Variants in ABCA6 observed in about 807,000 individuals in gnomAD.
ABCA6 encodes ATP binding cassette subfamily A member 6, also known as ATP-binding cassette sub-family A member 6.
In ABCA6, 164 loss-of-function variants were observed where a neutral mutation model predicts 191.2. The ratio of observed to expected loss-of-function variants is 0.86; its 90% CI spans 0.76 to 0.98. The LOEUF is 0.98. Ranked by LOEUF, ABCA6 falls within the 50% of genes least tolerant of loss-of-function variation. ABCA6 has a pLI of 0.00. For missense variants in ABCA6, 1,958 were observed against 1,894.1 expected, an observed-to-expected ratio of 1.03 and a Z score of -0.63; for synonymous variants, 636 against 647.7, an observed-to-expected ratio of 0.98 and a Z score of 0.27.
intron 2 of ABCA6, among the ~76,000 whole-genome samples, chr17:69,140,125 A>G (rs2074006467): frequency 6.6e-6 from 1 of 152,074 alleles, no homozygotes; most frequent in Admixed American, 6.6e-5. Context: ...AAATAAAAAA[A>G]TAAACATTTG....
Position 69,129,714 on chromosome 17 carries a change from T to C in ABCA6, c.829A>G (p.Ile277Val), listed in dbSNP as rs771585701. Residue 277 changes from isoleucine to valine, a missense_variant, in exon 7 of 39, where the codon ATT (isoleucine) becomes GTT (valine). Physicochemically the swap from Ile to Val is conservative, Grantham distance 29. Transcript: ENST00000284425. ...WGLIYAGFIF[I>V]ISIFVTIIIT... ...ATAATTGTAACGAATATGGAAATAA[T>C]AAAGATGAAGCCAGCATAGATTAGA... 6.2e-7 allele frequency: 1 copy of C among 1,605,178 alleles called. No individual in the cohort carries two copies. The highest frequency in any genetic ancestry group is 8.5e-7 in the Non-Finnish European group (1 of 1,173,230).
rs2144601886 is a variant in ABCA6 at position 69,081,059 on chromosome 17, C to T, written c.4696+7G>A. On this transcript the variant is annotated splice_region_variant and intron_variant, in intron 37 of 38. Coordinates refer to ENST00000284425, the MANE Select transcript of ABCA6 (RefSeq NM_080284.3). ...CAAAAGATTTATTTGAATGTGGTCA[C>T]TCTTACCTGCTTCTAATTTGTGAAA... The T allele has an allele frequency of 1.3e-6, 2 of 1,567,310 alleles. No homozygotes were observed. Among genetic ancestry groups the T allele is most frequent in the African/African-American group, 1.4e-5 (1 of 73,878 alleles).
At chr17:69,101,648 T>G (rs2073184444) in intron 21 of ABCA6, among the ~76,000 whole-genome samples, 1 of 150,990 alleles carries the variant, frequency 6.6e-6, no homozygotes, top group South Asian at 2.1e-4. Flanking sequence ...GCCTTCTGGA[T>G]AGGAGATAAG....
chr17:69,086,297 C>T (rs543462300), intron 30 of ABCA6, among the ~76,000 whole-genome samples: 9 of 152,228 alleles, frequency 5.9e-5, no homozygotes, highest in Admixed American at 2.0e-4. Flanking sequence ...TGTACCTAAT[C>T]TGGCGCTGCT....
chr17:69,111,921 C>A, intron 16 of ABCA6: 1 of 342,830 alleles, frequency 2.9e-6, no homozygotes, highest in East Asian at 5.3e-5. Context: ...TTAGGCTGCA[C>A]AGAACAGCTA....
intron 36 of ABCA6, among the ~76,000 whole-genome samples, chr17:69,081,512 T>A (rs1484293338): frequency 6.6e-6 from 1 of 152,222 alleles, no homozygotes; most frequent in African/African-American, 2.4e-5. Flanking sequence ...TTGTTTTTTT[T>A]AATGAATGAA....
In ABCA6 at chr17:69,078,949, C is replaced by A. The variant is rs910179150; in HGVS notation, c.*24G>T. ...AAAACATGAGTTTATAGGAGATCAA[C>A]AAAAAATTACTAGGTTTGAGGTTTT... is the stretch of plus-strand genomic sequence containing the variant. On this transcript the variant is annotated 3_prime_UTR_variant, in exon 39 of 39. Coordinates refer to ENST00000284425, the MANE Select transcript of ABCA6 (RefSeq NM_080284.3). The A allele has an allele frequency of 4.1e-5, 61 of 1,504,294 alleles. 1 individual carries two copies. The highest frequency in any genetic ancestry group is 5.2e-5 in the Non-Finnish European group (57 of 1,099,510). 93.2% of individuals were successfully genotyped at this position (1,504,294 alleles called of 1,614,324 possible).
In ABCA6 at chr17:69,110,783, T is replaced by C. The variant is rs376134298; in HGVS notation, c.2272+18A>G. ...TTTTTTCCCATATTTCATTTCATTGTAATCATAGTTGAGTTACCTGGAAAT... is the reference window on the plus strand; with the variant it reads ...TTTTTTCCCATATTTCATTTCATTGCAATCATAGTTGAGTTACCTGGAAAT... On this transcript the variant is annotated intron_variant, in intron 17 of 38. Transcript: ENST00000284425. 1.1e-5 allele frequency: 18 copies of C among 1,587,418 alleles called. No homozygotes were observed. The highest frequency in any genetic ancestry group is 1.5e-5 in the Non-Finnish European group (18 of 1,169,328).
intron 7 of ABCA6, among the ~76,000 whole-genome samples, chr17:69,129,036 G>A (rs945373328): frequency 6.6e-6 from 1 of 152,212 alleles, no homozygotes; most frequent in East Asian, 1.9e-4. Context: ...AAGGGTGGGG[G>A]AAAAGCTGGA....
In ABCA6 at chr17:69,124,965, A is replaced by G. The variant is rs2073722373; in HGVS notation, c.1190T>C (p.Ile397Thr). ...PDPSGDSYTMIATFSMLLLDG... is the reference protein window; with the variant it reads ...PDPSGDSYTMTATFSMLLLDG... ...CAAAAGCAACATAGAAAAAGTTGCT[A>G]TCATTGTATATGAGTCTCCTGAAGG... Residue 397 changes from isoleucine to threonine, a missense_variant, in exon 9 of 39, where the codon ATA (isoleucine) becomes ACA (threonine). Transcript: ENST00000284425. 6.4e-7 allele frequency: 1 copy of G among 1,569,202 alleles called. No homozygotes were observed. The highest frequency in any genetic ancestry group is 8.7e-7 in the Non-Finnish European group (1 of 1,154,044).
chr17:69,100,819 A>G lies in ABCA6; in HGVS notation c.2990T>C (p.Ile997Thr). 2 of 1,610,930 alleles carry G rather than the reference A, an allele frequency of 1.2e-6. No homozygotes were observed. Among genetic ancestry groups the G allele is most frequent in the Non-Finnish European group, 1.7e-6 (2 of 1,178,940 alleles). ...QMFNHTQHIR[I>T]ESSPFPLSHI... ...TACAAGAGGAAATGGGCTTGACTCAATTCGAATATGTTGTGTGTGATTAAA... is the reference window on the plus strand; with the variant it reads ...TACAAGAGGAAATGGGCTTGACTCAGTTCGAATATGTTGTGTGTGATTAAA... The change falls in exon 22 of 39, where the codon ATT becomes ACT. Residue 997 changes from isoleucine to threonine, a missense_variant. By Grantham distance (89) the Ile-to-Thr change is moderately conservative. Transcript: ENST00000284425.
At chr17:69,130,402 C>A (rs1435695743) in intron 6 of ABCA6, among the ~76,000 whole-genome samples, 7 of 151,758 alleles carry the variant, frequency 4.6e-5, no homozygotes, top group Non-Finnish European at 7.4e-5. Flanking sequence ...ACGTGTTAGG[C>A]AACAGCTCTG....
intron 23 of ABCA6, 129 bp from the exon 24 acceptor site, chr17:69,096,930 A>C (rs1451930089): frequency 2.3e-5 from 17 of 730,166 alleles, no homozygotes; most frequent in Middle Eastern, 4.0e-4. Context: ...ATTAAAAAAA[A>C]TTATGCATAT....
rs746073194 is a variant in ABCA6 at position 69,091,237 on chromosome 17, G to T, written c.3434C>A (p.Thr1145Asn). ...ACTTAGGTCAAAATGATTGATTAAA[G>T]TGATGGAAAACATGATGGTGGAGGC... The part of the protein sequence containing the change: ...FFASTIMFSI[T>N]LINHFDLSIL... The change falls in exon 26 of 39, where the codon ACT (threonine) becomes AAT (asparagine). Residue 1145 changes from threonine to asparagine, a missense_variant. Physicochemically the swap from Thr to Asn is moderately conservative, Grantham distance 65. Coordinates refer to ENST00000284425, the MANE Select transcript of ABCA6 (RefSeq NM_080284.3). 6.2e-6 allele frequency: 10 copies of T among 1,611,692 alleles called. No homozygotes were observed. The Admixed American group carries it at 6.7e-5, about 11-fold the overall frequency.
chr17:69,138,821 A>C (rs1480956764), intron 2 of ABCA6, among the ~76,000 whole-genome samples: 1 of 150,508 alleles, frequency 6.6e-6, no homozygotes, highest in Non-Finnish European at 1.5e-5. Flanking sequence ...TCTTTGACAA[A>C]CCTGAGAAAA....
rs140794236 is a variant in ABCA6, at chr17:69,123,407, T to A, written c.1268A>T (p.Tyr423Phe). 4.1e-5 allele frequency: 60 copies of A among 1,470,450 alleles called. No homozygotes were observed. The African/African-American group carries it at 6.5e-4, about 16-fold the overall frequency. The allele number at this position is 1,470,450 out of a possible 1,614,324, so 91.1% of individuals were successfully genotyped here. ...LALYFDKILP[Y>F]GDERHYSPLF... ...AGGAGAATAATGGCGCTCATCTCCA[T>A]CTAATTAACCAAGAGGCAACAAAAT... The change falls in exon 10 of 39, where the codon TAT becomes TTT. Residue 423 changes from tyrosine (Y) to phenylalanine (F), a missense_variant and splice_region_variant. Tyr to Phe is a conservative substitution (Grantham distance 22). Coordinates refer to ENST00000284425, the MANE Select transcript of ABCA6 (RefSeq NM_080284.3).
chr17:69,137,759 G>A (rs767045926), intron 2 of ABCA6, among the ~76,000 whole-genome samples: 2 of 152,102 alleles, frequency 1.3e-5, no homozygotes, highest in Non-Finnish European at 2.9e-5. Context: ...AGAAACTAAT[G>A]GAGTGAATAA....
chr17:69,129,796 C>A (rs752869445), intron 6 of ABCA6, 45 bp from the exon 7 acceptor site: 4 of 1,406,824 alleles, frequency 2.8e-6, no homozygotes, highest in Non-Finnish European at 3.9e-6. Flanking sequence ...AACTTATTTA[C>A]AAAATATTTA....
At chr17:69,138,285 T>C (rs1031677061) in intron 2 of ABCA6, among the ~76,000 whole-genome samples, 1 of 152,176 alleles carries the variant, frequency 6.6e-6, no homozygotes, top group Non-Finnish European at 1.5e-5. Context: ...CACTCTCAAC[T>C]TTCATTAGAC....
Sources: allele counts gnomAD v4.1 joint callset (sites outside exome capture counted in the v4.1 genomes callset), GRCh38; gene constraint gnomAD v4.1.1; transcripts MANE v1.5; gene names NCBI Gene and HGNC (gene_info 2026-07-23, HGNC 2026-07-21).